Variants in UTRN observed in about 807,000 individuals in gnomAD.
UTRN encodes dystrophin-related protein 1.
Under a neutral mutation model 463.9 loss-of-function variants are expected in UTRN, and 283 were observed. The observed-to-expected ratio is 0.61, with a 90% CI of 0.55 to 0.67. The LOEUF (loss-of-function observed/expected upper bound fraction) is 0.67. UTRN is among the 30% of genes least tolerant of loss of function. The probability of loss-of-function intolerance (pLI) is 0.00; values close to 1 mark genes in which losing one functional copy is unlikely to be tolerated. For synonymous variants in UTRN, 1,442 were observed against 1,431.5 expected (o/e 1.01, Z -0.17); for missense variants, 3,922 against 4,084.3 (o/e 0.96, Z 1.08).
intron 51 of UTRN, among the ~76,000 whole-genome samples, chr6:144,667,993 A>T (rs1430851321): frequency 6.6e-6 from 1 of 152,216 alleles, no homozygotes; most frequent in Non-Finnish European, 1.5e-5. Flanking sequence ...CACACTTTGC[A>T]TTGGACCAGA....
chr6:144,667,723 C>T (rs62427183), intron 51 of UTRN, among the ~76,000 whole-genome samples: 8,233 of 152,196 alleles, frequency 0.054, 242 homozygotes, highest in African/African-American at 0.072. Flanking sequence ...AACTTTTCAG[C>T]GGAACTTCCC....
chr6:144,443,175 T>A (rs1787339654), intron 13 of UTRN, among the ~76,000 whole-genome samples: 1 of 152,236 alleles, frequency 6.6e-6, no homozygotes, highest in Non-Finnish European at 1.5e-5. Context: ...GGTAAGACGT[T>A]GCCAATTTAT....
At chr6:144,815,736 G>T (rs1335673573) in intron 65 of UTRN, among the ~76,000 whole-genome samples, 3 of 152,202 alleles carry the variant, frequency 2.0e-5, no homozygotes, top group African/African-American at 4.8e-5. Flanking sequence ...TGATTAGATG[G>T]TACCCACCGG....
chr6:144,425,960 C>T (rs1298875582), intron 6 of UTRN, among the ~76,000 whole-genome samples: 4 of 152,166 alleles, frequency 2.6e-5, no homozygotes. Context: ...TCTTTGTAAA[C>T]ACATAGAGTT....
intron 65 of UTRN, among the ~76,000 whole-genome samples, chr6:144,809,118 C>A (rs1207908032): frequency 6.6e-6 from 1 of 152,006 alleles, no homozygotes; most frequent in African/African-American, 2.4e-5. Context: ...AAAGATAGTT[C>A]TTTAAGTTGG....
intron 3 of UTRN, among the ~76,000 whole-genome samples, chr6:144,412,584 G>A (rs2114821691): frequency 6.6e-6 from 1 of 151,844 alleles, no homozygotes; most frequent in South Asian, 2.1e-4. Context: ...CAGATGAGGA[G>A]GGAGAGAGAG....
chr6:144,723,429 C>G (rs1487011080), intron 53 of UTRN, among the ~76,000 whole-genome samples: 1 of 152,130 alleles, frequency 6.6e-6, no homozygotes, highest in Non-Finnish European at 1.5e-5. Flanking sequence ...TTATTATGCT[C>G]AAGCATTTAT....
At chr6:144,744,402 CATA>C (rs1430210517) in intron 54 of UTRN, among the ~76,000 whole-genome samples, 2 of 131,028 alleles carry the variant, frequency 1.5e-5, no homozygotes, top group East Asian at 4.2e-4. Context: ...ATAATATATA[CATA>C]ATTTTACTTA....
intron 50 of UTRN, among the ~76,000 whole-genome samples, chr6:144,576,699 C>T (rs759951807): frequency 5.3e-5 from 8 of 151,966 alleles, no homozygotes; most frequent in African/African-American, 1.7e-4. Context: ...AACAAATATT[C>T]GTATAGTCGC....
At chr6:144,303,676 A>G (rs1287687238) in intron 2 of UTRN, among the ~76,000 whole-genome samples, 1 of 152,212 alleles carries the variant, frequency 6.6e-6, no homozygotes, top group Non-Finnish European at 1.5e-5. Flanking sequence ...GTTGATGAAA[A>G]TGAGAAAAGA....
intron 42 of UTRN, among the ~76,000 whole-genome samples, chr6:144,531,413 A>C (rs1209934251): frequency 6.6e-6 from 1 of 152,258 alleles, no homozygotes; most frequent in Non-Finnish European, 1.5e-5. Flanking sequence ...AATTTAAATA[A>C]AAATACTCCT....
chr6:144,779,901 A>G (rs1775665684), intron 60 of UTRN, among the ~76,000 whole-genome samples: 1 of 152,156 alleles, frequency 6.6e-6, no homozygotes, highest in South Asian at 2.1e-4. Context: ...TCTGAAGGAA[A>G]TGGATTGGTT....
intron 51 of UTRN, among the ~76,000 whole-genome samples, chr6:144,612,911 T>C (rs1404403116): frequency 1.3e-5 from 2 of 152,086 alleles, no homozygotes; most frequent in Non-Finnish European, 2.9e-5. Flanking sequence ...CTCACGTTCA[T>C]TGTAGCATTA....
At chr6:144,390,494 C>T (rs1781811494) in intron 2 of UTRN, among the ~76,000 whole-genome samples, 1 of 152,188 alleles carries the variant, frequency 6.6e-6, no homozygotes, top group African/African-American at 2.4e-5. Flanking sequence ...GCTCATTTAA[C>T]CCCTTGCTGT....
intron 51 of UTRN, among the ~76,000 whole-genome samples, chr6:144,666,089 G>A (rs1303492523): frequency 6.6e-6 from 1 of 152,098 alleles, no homozygotes; most frequent in Non-Finnish European, 1.5e-5. Flanking sequence ...CATCAGTAGG[G>A]CCAAGTCTCC....
chr6:144,577,804 A>G (rs952349678), intron 51 of UTRN, among the ~76,000 whole-genome samples: 2 of 152,240 alleles, frequency 1.3e-5, no homozygotes, highest in Non-Finnish European at 2.9e-5. Context: ...GTGCTAATAT[A>G]AAACTTTTCA....
chr6:144,562,995 T>C lies in UTRN; in HGVS notation c.7289+5684T>C, dbSNP rs144032476. 2.3e-3 allele frequency among the ~76,000 whole-genome samples: 355 copies of C among 152,294 alleles called. 2 individuals carry two copies. The highest frequency in any genetic ancestry group is 8.0e-3 in the African/African-American group (331 of 41,572). ...TTTCATATGTTTGGTCACATAAATGTCCTCTTTTGAGAAGTGTCTGTTCAT... is the reference window on the plus strand; with the variant it reads ...TTTCATATGTTTGGTCACATAAATGCCCTCTTTTGAGAAGTGTCTGTTCAT... On this transcript the variant is annotated intron_variant, in intron 50 of 74. Transcript: ENST00000367545.
At chr6:144,606,699 G>A (rs966510096) in intron 51 of UTRN, among the ~76,000 whole-genome samples, 5 of 152,140 alleles carry the variant, frequency 3.3e-5, no homozygotes, top group African/African-American at 4.8e-5. Flanking sequence ...ACATAATTTA[G>A]ATACTGAATT....
At chr6:144,628,559 T>C (rs557288050) in intron 51 of UTRN, among the ~76,000 whole-genome samples, 1 of 152,206 alleles carries the variant, frequency 6.6e-6, no homozygotes, top group Non-Finnish European at 1.5e-5. Flanking sequence ...CATTTTCAGC[T>C]TTTCCTTGAC....
Sources: allele counts gnomAD v4.1 joint callset (sites outside exome capture counted in the v4.1 genomes callset), GRCh38; gene constraint gnomAD v4.1.1; transcripts MANE v1.5; gene names NCBI Gene and HGNC (gene_info 2026-07-23, HGNC 2026-07-21).